SPIDR: variants seen among roughly 807,000 people sequenced by gnomAD.
SPIDR encodes the protein scaffold protein involved in DNA repair, also known as DNA repair-scaffolding protein.
In SPIDR, 93 loss-of-function variants were observed where a neutral mutation model predicts 104.6. That is an observed-to-expected ratio of 0.89 (90% CI 0.75 to 1.06). The LOEUF (loss-of-function observed/expected upper bound fraction) is 1.06. SPIDR is among the 50% of genes least tolerant of loss of function. SPIDR has a pLI of 0.00. For missense variants in SPIDR, 1,154 were observed against 1,111.2 expected (o/e 1.04, Z -0.55); for synonymous variants, 431 against 416.9 (o/e 1.03, Z -0.41).
intron 8 of SPIDR, among the ~76,000 whole-genome samples, chr8:47,503,903 TG>T (rs2081005816): frequency 6.6e-6 from 1 of 152,216 alleles, no homozygotes. Context: ...AAGCTTAGTT[TG>T]GCTGGATATG....
chr8:47,694,200 C>A (rs1051796861), intron 11 of SPIDR, among the ~76,000 whole-genome samples: 3 of 152,178 alleles, frequency 2.0e-5, no homozygotes, highest in African/African-American at 7.2e-5. Flanking sequence ...AAATAGGATT[C>A]CTATCTAAGT....
intron 5 of SPIDR, among the ~76,000 whole-genome samples, chr8:47,390,879 C>T (rs563847610): frequency 5.9e-5 from 9 of 152,254 alleles, no homozygotes; most frequent in East Asian, 1.9e-4. Flanking sequence ...CCTCCTTTCT[C>T]GTTAGTCTGA....
At chr8:47,523,019 G>C (rs1375861090) in intron 8 of SPIDR, among the ~76,000 whole-genome samples, 1 of 149,584 alleles carries the variant, frequency 6.7e-6, no homozygotes. Flanking sequence ...TTTATTTTTT[G>C]AGCGAGGGTC....
At chr8:47,389,459 G>A (rs1204619657) in intron 5 of SPIDR, among the ~76,000 whole-genome samples, 1 of 152,064 alleles carries the variant, frequency 6.6e-6, no homozygotes, top group East Asian at 1.9e-4. Context: ...GGAGGCCGAG[G>A]CGGGCAGATC....
intron 5 of SPIDR, among the ~76,000 whole-genome samples, chr8:47,316,663 G>T (rs2045408864): frequency 6.6e-6 from 1 of 152,124 alleles, no homozygotes; most frequent in Non-Finnish European, 1.5e-5. Flanking sequence ...GATACATAAT[G>T]GAAGAAAAAG....
chr8:47,532,775 A>G (rs2086241509), intron 8 of SPIDR, among the ~76,000 whole-genome samples: 1 of 152,238 alleles, frequency 6.6e-6, no homozygotes, highest in South Asian at 2.1e-4. Flanking sequence ...CAACACAATC[A>G]ACAGAATCTA....
At chr8:47,488,224 C>T (rs985033440) in intron 8 of SPIDR, among the ~76,000 whole-genome samples, 24 of 152,192 alleles carry the variant, frequency 1.6e-4, no homozygotes, top group Non-Finnish European at 2.4e-4. Flanking sequence ...CTATAAACAC[C>T]TCTACGCAAA....
chr8:47,597,126 AATAC>A (rs1381525196), intron 9 of SPIDR, among the ~76,000 whole-genome samples: 2 of 152,256 alleles, frequency 1.3e-5, no homozygotes, highest in African/African-American at 4.8e-5. Context: ...TAGTACAGTA[AATAC>A]ATAAGCCAGT....
At chr8:47,316,710 C>T (rs185933207) in intron 5 of SPIDR, among the ~76,000 whole-genome samples, 11 of 151,982 alleles carry the variant, frequency 7.2e-5, no homozygotes, top group East Asian at 1.9e-4. Context: ...GGATTAATTG[C>T]GAAAAGTCTT....
At chr8:47,626,104 C>A (rs545580784) in intron 10 of SPIDR, among the ~76,000 whole-genome samples, 3 of 152,262 alleles carry the variant, frequency 2.0e-5, no homozygotes, top group African/African-American at 7.2e-5. Context: ...ACTATCTGAT[C>A]TTTGACAAAC....
intron 11 of SPIDR, among the ~76,000 whole-genome samples, chr8:47,677,454 A>G (rs1179026280): frequency 6.6e-6 from 1 of 152,234 alleles, no homozygotes; most frequent in East Asian, 1.9e-4. Context: ...AAAATCTGGT[A>G]TTTATTTCCC....
intron 5 of SPIDR, among the ~76,000 whole-genome samples, chr8:47,370,855 T>G (rs989985505): frequency 6.6e-6 from 1 of 152,092 alleles, no homozygotes; most frequent in African/African-American, 2.4e-5. Flanking sequence ...TAACCTCACC[T>G]TTTTCAACCA....
chr8:47,375,617 A>G (rs2058574992), intron 5 of SPIDR, among the ~76,000 whole-genome samples: 1 of 152,132 alleles, frequency 6.6e-6, no homozygotes. Context: ...TAATTGTTCC[A>G]TGTTCTCAAG....
chr8:47,397,879 G>A (rs2061419297), intron 6 of SPIDR, among the ~76,000 whole-genome samples: 1 of 152,098 alleles, frequency 6.6e-6, no homozygotes, highest in South Asian at 2.1e-4. Context: ...AAACAGTGGG[G>A]GTCCGAATAA....
At chr8:47,492,903 T>G (rs1270535985) in intron 8 of SPIDR, among the ~76,000 whole-genome samples, 1 of 152,190 alleles carries the variant, frequency 6.6e-6, no homozygotes, top group African/African-American at 2.4e-5. Context: ...TCCACCCTCA[T>G]TGTGCCTGGA....
chr8:47,662,109 G>A (rs1458009621), intron 10 of SPIDR, among the ~76,000 whole-genome samples: 2 of 152,166 alleles, frequency 1.3e-5, no homozygotes, highest in African/African-American at 4.8e-5. Context: ...CAGTGCAGGC[G>A]CTCTGTCCCG....
At chr8:47,503,890 A>C (rs570346819) in intron 8 of SPIDR, among the ~76,000 whole-genome samples, 1 of 152,188 alleles carries the variant, frequency 6.6e-6, no homozygotes, top group African/African-American at 2.4e-5. Context: ...TCCTTCACTC[A>C]TGAAGCTTAG....
intron 5 of SPIDR, among the ~76,000 whole-genome samples, chr8:47,378,233 A>G (rs1379519554): frequency 2.0e-4 from 31 of 152,336 alleles, no homozygotes; most frequent in South Asian, 1.4e-3. Flanking sequence ...ACTTATGTCT[A>G]TAATATTGTT....
chr8:47,680,237 A>G (rs1233215216), intron 11 of SPIDR, among the ~76,000 whole-genome samples: 1 of 152,222 alleles, frequency 6.6e-6, no homozygotes, highest in Non-Finnish European at 1.5e-5. Flanking sequence ...TATGCATTGC[A>G]CTTTCCCTTT....
Sources: allele counts gnomAD v4.1 joint callset (sites outside exome capture counted in the v4.1 genomes callset), GRCh38; gene constraint gnomAD v4.1.1; transcripts MANE v1.5; gene names NCBI Gene and HGNC (gene_info 2026-07-23, HGNC 2026-07-21).